Variants in PCDHA3 observed in about 807,000 individuals in gnomAD.
PCDHA3 encodes protocadherin alpha 3, also known as protocadherin alpha-3.
Under a neutral mutation model 62.2 loss-of-function variants are expected in PCDHA3, and 41 were observed. That is an observed-to-expected ratio of 0.66 (90% CI 0.51 to 0.86). PCDHA3 has a LOEUF of 0.86. PCDHA3 is among the 40% of genes least tolerant of loss of function. PCDHA3 has a pLI of 0.00. For synonymous variants in PCDHA3, 640 were observed against 555.4 expected, an observed-to-expected ratio of 1.15 and a Z score of -2.14; for missense variants, 1,304 against 1,241.2, an observed-to-expected ratio of 1.05 and a Z score of -0.76.
intron 1 of PCDHA3, chr5:140,929,360 C>G (rs781864515): frequency 5.3e-6 from 8 of 1,519,748 alleles, no homozygotes; most frequent in Non-Finnish European, 6.2e-6. Flanking sequence ...TTCCTTTGGC[C>G]CGGAGATGGC....
At chr5:140,812,827 TTTTG>T (rs1301120127) in intron 1 of PCDHA3, 1 of 152,222 alleles carries the variant, frequency 6.6e-6, no homozygotes, top group Non-Finnish European at 1.5e-5. Flanking sequence ...GTGTTTTCAT[TTTTG>T]TTTATCTTAA....
At chr5:140,807,027 GGAA>G in intron 1 of PCDHA3, 1 of 866,008 alleles carries the variant, frequency 1.2e-6, no homozygotes, top group South Asian at 1.7e-5. Context: ...GAGAGAAGGA[GGAA>G]GAAGGGAAAA....
intron 1 of PCDHA3, chr5:140,822,891 C>A (rs2150120140): frequency 1.9e-6 from 3 of 1,614,226 alleles, no homozygotes; most frequent in Non-Finnish European, 2.5e-6. Context: ...CTCTGATCAG[C>A]GTGTCTGACC....
At position 140,827,335 on chromosome 5, in the gene PCDHA3, G is replaced by A. The variant is rs2150147144; in HGVS notation, c.2394+23744G>A. 1.1e-3 allele frequency among the ~76,000 whole-genome samples: 167 copies of A among 152,286 alleles called. 1 individual carries two copies. Among genetic ancestry groups the A allele is most frequent in the African/African-American group, 3.8e-3 (159 of 41,558 alleles). Reference sequence around the variant, plus strand: ...AAATTCCACTAGAATTTGAAGTGGTGAAGTATATGAAAAGAAAATATTTTA... The same window carrying A: ...AAATTCCACTAGAATTTGAAGTGGTAAAGTATATGAAAAGAAAATATTTTA... On this transcript the variant is annotated intron_variant, in intron 1 of 3. Coordinates refer to ENST00000522353, the MANE Select transcript of PCDHA3 (RefSeq NM_018906.3).
intron 3 of PCDHA3, among the ~76,000 whole-genome samples, chr5:140,991,228 TGCAGTGGTAAAG>T (rs1452293099): frequency 1.1e-4 from 16 of 152,220 alleles, no homozygotes; most frequent in Non-Finnish European, 2.4e-4. Flanking sequence ...CATTAATAAA[TGCAGTGGTAAAG>T]GCAGTATTTG....
At chr5:140,823,956 C>A (rs2150130724) in intron 1 of PCDHA3, 23 of 1,613,908 alleles carry the variant, frequency 1.4e-5, no homozygotes, top group South Asian at 7.7e-5. Flanking sequence ...CGCAGCCCAC[C>A]GAGGCCGTGT....
chr5:140,963,196 G>GA (rs199602110), intron 1 of PCDHA3, among the ~76,000 whole-genome samples: 256 of 147,602 alleles, frequency 1.7e-3, no homozygotes, highest in African/African-American at 4.3e-3. Flanking sequence ...CTGTGAAAAT[G>GA]AAAAAAAAAA....
At chr5:140,883,773 G>C (rs1362933627) in intron 1 of PCDHA3, 11 of 1,612,372 alleles carry the variant, frequency 6.8e-6, no homozygotes, top group Non-Finnish European at 9.3e-6. Context: ...GTGGGCGAGC[G>C]TGCGCTGTCG....
At chr5:140,875,026 C>T (rs2055229265) in intron 1 of PCDHA3, among the ~76,000 whole-genome samples, 1 of 152,142 alleles carries the variant, frequency 6.6e-6, no homozygotes, top group South Asian at 2.1e-4. Flanking sequence ...TTCTGGCCTA[C>T]TGTATTTGAA....
At chr5:140,882,947 C>G in intron 1 of PCDHA3, 1 of 1,614,162 alleles carries the variant, frequency 6.2e-7, no homozygotes, top group Non-Finnish European at 8.5e-7. Context: ...TGGCACAGTT[C>G]AGCTGCTCAT....
intron 1 of PCDHA3, chr5:140,823,492 G>A (rs886912020): frequency 6.2e-7 from 1 of 1,613,280 alleles, no homozygotes; most frequent in East Asian, 2.2e-5. Flanking sequence ...GGGTGGCACC[G>A]GCGGCGCAGT....
intron 3 of PCDHA3, among the ~76,000 whole-genome samples, chr5:141,004,166 A>C (rs2098156060): frequency 6.6e-6 from 1 of 152,278 alleles, no homozygotes; most frequent in Non-Finnish European, 1.5e-5. Context: ...AGGCAAAGCC[A>C]GCCAAGTGTC....
At chr5:140,817,734 T>C (rs2150098892) in intron 1 of PCDHA3, 7 of 152,242 alleles carry the variant, frequency 4.6e-5, no homozygotes, top group Non-Finnish European at 8.8e-5. Context: ...TATGTTTCTT[T>C]CTGGGATCAT....
chr5:140,843,007 G>A, intron 1 of PCDHA3: 1 of 1,594,980 alleles, frequency 6.3e-7, no homozygotes, highest in Non-Finnish European at 8.6e-7. Context: ...ATGACAACGC[G>A]CCGGCACTGC....
At chr5:140,954,305 T>C (rs2153702260) in intron 1 of PCDHA3, among the ~76,000 whole-genome samples, 1 of 152,342 alleles carries the variant, frequency 6.6e-6, no homozygotes, top group South Asian at 2.1e-4. Context: ...TACCCAGTAA[T>C]GGGATTGCTG....
chr5:140,835,664 G>A (rs2150241207), intron 1 of PCDHA3: 1 of 1,613,934 alleles, frequency 6.2e-7, no homozygotes, highest in Non-Finnish European at 8.5e-7. Flanking sequence ...TGGTTACCGC[G>A]CGGGACGGGG....
rs782065685 is a variant in PCDHA3, at chr5:140,870,421, G to T, written c.2394+66830G>T. 9.3e-6 allele frequency: 15 copies of T among 1,614,096 alleles called. No individual in the cohort carries two copies. The highest frequency in any genetic ancestry group is 1.3e-5 in the Non-Finnish European group (15 of 1,180,046). On this transcript the variant is annotated intron_variant, in intron 1 of 3. Coordinates refer to ENST00000522353, the MANE Select transcript of PCDHA3 (RefSeq NM_018906.3). ...GCCTTCTCTGTGGGCCACGGCCAGG[G>T]TATCCGTGGAGGTGGCCGACGTGAA...
rs59031154 is a variant in PCDHA3 at position 140,884,790 on chromosome 5, T to C, written c.2394+81199T>C. ...TTAATTTTAATTTTGCTAGTTGTTATCGAATTTAACAACTCTGCTGTGGAC... is the reference window on the plus strand; with the variant it reads ...TTAATTTTAATTTTGCTAGTTGTTACCGAATTTAACAACTCTGCTGTGGAC... On this transcript the variant is annotated intron_variant, in intron 1 of 3. Transcript: ENST00000522353. 1.6e-3 allele frequency: 2,209 copies of C among 1,352,036 alleles called. 33 individuals are homozygous for C. In the African/African-American group the frequency reaches 0.03, roughly 18 times the overall value. The allele number at this position is 1,352,036 out of a possible 1,614,324, so 83.8% of individuals were successfully genotyped here.
rs1554169291 is a variant in PCDHA3 at position 140,877,075 on chromosome 5, G to A, written c.2394+73484G>A. On this transcript the variant is annotated intron_variant, in intron 1 of 3. Transcript: ENST00000522353. ...GGAGCTGGAGCTGCTGCAGTTCCAGGTGAGCGCGCGCGACGCCGGCGTGCC... is the reference window on the plus strand; with the variant it reads ...GGAGCTGGAGCTGCTGCAGTTCCAGATGAGCGCGCGCGACGCCGGCGTGCC... 6.2e-7 allele frequency: 1 copy of A among 1,612,986 alleles called. No individual in the cohort carries two copies. The highest frequency in any genetic ancestry group is 1.1e-5 in the South Asian group (1 of 91,036).
Sources: allele counts gnomAD v4.1 joint callset (sites outside exome capture counted in the v4.1 genomes callset), GRCh38; gene constraint gnomAD v4.1.1; transcripts MANE v1.5; gene names NCBI Gene and HGNC (gene_info 2026-07-23, HGNC 2026-07-21).